The following MELTF variants were observed in gnomAD, a reference collection of about 807,000 sequenced individuals.
The protein encoded by MELTF is antigen p97 (melanoma associated) identified by monoclonal antibodies 133.2 and 96.5.
In MELTF, 67 loss-of-function variants were observed where a neutral mutation model predicts 83.7. The observed-to-expected ratio is 0.80, with a 90% CI of 0.66 to 0.98. MELTF has a LOEUF of 0.98. Ranked by LOEUF, MELTF falls within the 50% of genes least tolerant of loss-of-function variation. The probability of loss-of-function intolerance (pLI) is 0.00; values close to 1 mark genes in which losing one functional copy is unlikely to be tolerated. For synonymous variants in MELTF, 462 were observed against 447.6 expected (o/e 1.03, Z -0.41); for missense variants, 1,002 against 1,035.6 (o/e 0.97, Z 0.44).
At chr3:197,018,833 A>T in intron 6 of MELTF, 1 of 730,698 alleles carries the variant, frequency 1.4e-6, no homozygotes, top group Non-Finnish European at 1.7e-6. Flanking sequence ...ACAGTATTGG[A>T]AACTTTCCAT....
rs761046953 is a variant in MELTF, at chr3:197,021,409, G to C, written c.707C>G (p.Thr236Arg). ...FVKHSTVLEN[T>R]DGKTLPSWGQ... ...CGTGCCCCTCCCCCACTCACCATCCGTGTTCTCCAGTACCGTGCTGTGCTT... is the reference window on the plus strand; with the variant it reads ...CGTGCCCCTCCCCCACTCACCATCCCTGTTCTCCAGTACCGTGCTGTGCTT... Residue 236 changes from threonine to arginine, a missense_variant, in exon 6 of 16, where the codon ACG becomes AGG. Transcript: ENST00000296350. 1 of 1,613,922 alleles carries C rather than the reference G, an allele frequency of 6.2e-7. No homozygotes were observed. The highest frequency in any genetic ancestry group is 2.2e-5 in the East Asian group (1 of 44,870).
intron 14 of MELTF, chr3:197,004,385 G>C (rs375289673): frequency 8.5e-6 from 4 of 473,044 alleles, no homozygotes; most frequent in Non-Finnish European, 1.6e-5. Context: ...TGTCCAGGAA[G>C]AAAGACCCAG....
At chr3:197,018,939 TA>T in intron 6 of MELTF, 2 of 985,230 alleles carry the variant, frequency 2.0e-6, no homozygotes, top group East Asian at 1.1e-4. Flanking sequence ...GGACTATAAT[TA>T]AACCACAGAT....
At chr3:197,018,646 C>T (rs1345750175) in intron 6 of MELTF, among the ~76,000 whole-genome samples, 5 of 148,872 alleles carry the variant, frequency 3.4e-5, no homozygotes, top group Admixed American at 3.3e-4. Flanking sequence ...GGGGTTTCAC[C>T]ATGTTGGCCA....
At chr3:197,005,081 T>G (rs1005554396) in intron 14 of MELTF, among the ~76,000 whole-genome samples, 41 of 152,130 alleles carry the variant, frequency 2.7e-4, no homozygotes, top group Non-Finnish European at 7.4e-5. Flanking sequence ...TCTGTGGTGC[T>G]GGTGGGTGTG....
In MELTF at chr3:197,017,310, G is replaced by T; in HGVS notation, c.713-20C>A. 6.6e-7 allele frequency: 1 copy of T among 1,507,912 alleles called. No homozygotes were observed. Among genetic ancestry groups the T allele is most frequent in the South Asian group, 1.3e-5 (1 of 76,518 alleles). The allele number at this position is 1,507,912 out of a possible 1,614,324, so 93.4% of individuals were successfully genotyped here. On this transcript the variant is annotated intron_variant, in intron 6 of 15. Transcript: ENST00000296350. ...TCTTCCCTGGGAAGCAGGAAGCCTG[G>T]GCTGAGCCAGCTCCGAAAGGGGTTG... is the stretch of plus-strand genomic sequence containing the variant.
At chr3:197,014,222 G>C (rs1719279079) in intron 9 of MELTF, among the ~76,000 whole-genome samples, 1 of 152,084 alleles carries the variant, frequency 6.6e-6, no homozygotes, top group Non-Finnish European at 1.5e-5. Context: ...GGACGGAACT[G>C]GGGGACACCG....
chr3:197,006,858 C>A lies in MELTF; in HGVS notation c.1751-122G>T. On this transcript the variant is annotated intron_variant, in intron 13 of 15. Coordinates refer to ENST00000296350, the MANE Select transcript of MELTF (RefSeq NM_005929.6). The surrounding 1 kb of genome is among the most constrained non-coding windows in gnomAD (Gnocchi z 5.4). Reference sequence around the variant, plus strand: ...GGGAGGTGGCAACATCTGGCCAGCTCCCCAACCCTCTCCATTCTCCACGTG... The same window carrying A: ...GGGAGGTGGCAACATCTGGCCAGCTACCCAACCCTCTCCATTCTCCACGTG... 1 of 866,230 alleles carries A rather than the reference C, an allele frequency of 1.2e-6. No homozygotes were observed. The highest frequency in any genetic ancestry group is 1.6e-6 in the Non-Finnish European group (1 of 610,298). 53.7% of individuals were successfully genotyped at this position (866,230 alleles called of 1,614,324 possible).
intron 3 of MELTF, 164 bp downstream of exon 3, chr3:197,026,496 C>A (rs78993299): frequency 3.8e-5 from 24 of 627,808 alleles, no homozygotes; most frequent in Non-Finnish European, 4.5e-5. Context: ...GAGCTCCTGT[C>A]CCTGGGGAAT....
chr3:197,017,331 G>T, intron 6 of MELTF, 41 bp from the exon 7 acceptor site: 1 of 1,468,998 alleles, frequency 6.8e-7, no homozygotes, highest in Non-Finnish European at 9.1e-7. Context: ...CTCCGAAAGG[G>T]GTTGGGGCGG....
chr3:197,019,477 C>A, intron 6 of MELTF: 1 of 1,471,324 alleles, frequency 6.8e-7, no homozygotes, highest in Non-Finnish European at 9.0e-7. Flanking sequence ...CAGGTGCACG[C>A]CTGTCATCCC....
At chr3:197,010,520 G>A (rs1360158676) in intron 10 of MELTF, among the ~76,000 whole-genome samples, 178 bp downstream of exon 10, 1 of 152,236 alleles carries the variant, frequency 6.6e-6, no homozygotes, top group African/African-American at 2.4e-5. Flanking sequence ...AGAGACGTTT[G>A]TTGAATAGTT....
chr3:197,019,204 T>C, intron 6 of MELTF: 2 of 1,003,302 alleles, frequency 2.0e-6, no homozygotes, highest in Non-Finnish European at 2.4e-6. Flanking sequence ...CCAACTTTCC[T>C]GTTTTTCGGC....
chr3:197,022,061 G>C lies in MELTF; in HGVS notation c.645-590C>G, dbSNP rs147614938. On this transcript the variant is annotated intron_variant, in intron 5 of 15. Transcript: ENST00000296350. This position sits in a 1 kb window ranked among gnomAD's most constrained non-coding sequence, Gnocchi z 5.1. Reference sequence around the variant, plus strand: ...GAAGAGCATTCTACCCTGAGGCAGGGGATTGGACTAGAAGGCCTTTTCATG... The same window carrying C: ...GAAGAGCATTCTACCCTGAGGCAGGCGATTGGACTAGAAGGCCTTTTCATG... 3.3e-4 allele frequency among the ~76,000 whole-genome samples: 50 copies of C among 152,222 alleles called. 1 individual carries two copies. The East Asian group carries it at 8.1e-3, about 25-fold the overall frequency.
rs558174215 is a variant in MELTF at position 197,024,481 on chromosome 3, G to A, written c.309C>T (p.Val103=). 12 of 1,576,440 alleles carry A rather than the reference G, an allele frequency of 7.6e-6. No individual in the cohort carries two copies. The Middle Eastern group carries it at 5.7e-4, about 75-fold the overall frequency. Residue 103 remains valine (V), a synonymous_variant, in exon 4 of 16, where the codon GTC becomes GTT. Coordinates refer to ENST00000296350, the MANE Select transcript of MELTF (RefSeq NM_005929.6). The surrounding 1 kb of genome is among the most constrained non-coding windows in gnomAD (Gnocchi z 5.3). ...PVVGEVYDQE[V]GTSYYAVAVV... is the part of the protein sequence containing the mutation. Reference sequence around the variant, plus strand: ...CAGCCACGGCGTAATAGGAGGTACCGACCTCTAGGAGGGGAGGGGAGTGGG... The same window carrying A: ...CAGCCACGGCGTAATAGGAGGTACCAACCTCTAGGAGGGGAGGGGAGTGGG...
intron 6 of MELTF, chr3:197,019,566 C>T (rs1560219568): frequency 6.3e-7 from 1 of 1,576,874 alleles, no homozygotes; most frequent in East Asian, 2.3e-5. Flanking sequence ...GGTGAGACCC[C>T]CATCTCAAAA....
At chr3:197,025,230 C>A (rs1041003576) in intron 3 of MELTF, among the ~76,000 whole-genome samples, 1 of 152,268 alleles carries the variant, frequency 6.6e-6, no homozygotes, top group East Asian at 1.9e-4. Context: ...CGTGCACAAA[C>A]TGCCCGGTGG....
intron 1 of MELTF, chr3:197,028,743 GCTC>G (rs1280554204): frequency 6.6e-6 from 1 of 152,568 alleles, no homozygotes; most frequent in East Asian, 1.9e-4. Flanking sequence ...TCAGGCCTGA[GCTC>G]CTCTGCCATT....
chr3:197,027,929 G>A lies in MELTF; in HGVS notation c.50-19C>T, dbSNP rs774042875. ...CCGAGCACTGCGGGCAGGGGACCGTGAGGCCCGGCTCCCCCGCCCTGCCCA... is the reference window on the plus strand; with the variant it reads ...CCGAGCACTGCGGGCAGGGGACCGTAAGGCCCGGCTCCCCCGCCCTGCCCA... On this transcript the variant is annotated intron_variant, in intron 1 of 15. Coordinates refer to ENST00000296350, the MANE Select transcript of MELTF (RefSeq NM_005929.6). 1.0e-4 allele frequency: 158 copies of A among 1,552,010 alleles called. No homozygotes were observed. Among genetic ancestry groups the A allele is most frequent in the Non-Finnish European group, 1.3e-4 (146 of 1,148,144 alleles).
Sources: gnomAD v4.1 joint callset for allele counts (sites outside exome capture counted in the v4.1 genomes callset) on GRCh38, gnomAD v4.1.1 for gene constraint, Gnocchi (gnomAD v3.1) non-coding constraint, MANE v1.5 for transcripts, NCBI Gene and HGNC (gene_info 2026-07-23, HGNC 2026-07-21) for gene names.